Variants in ADGRL2 observed in about 807,000 individuals in gnomAD.
ADGRL2 encodes adhesion G protein-coupled receptor L2, also known as calcium-independent alpha-latrotoxin receptor 2.
Under a neutral mutation model 157.4 loss-of-function variants are expected in ADGRL2, and 44 were observed. That is an observed-to-expected ratio of 0.28 (90% CI 0.22 to 0.36). ADGRL2 has a LOEUF of 0.36. Among genes scored for constraint, ADGRL2 ranks in the 10% least tolerant of loss-of-function variants. The pLI is 1.00. For synonymous variants in ADGRL2, 585 were observed against 624.7 expected (o/e 0.94, Z 0.95); for missense variants, 1,510 against 1,768.9 (o/e 0.85, Z 2.63).
At chr1:81,376,284 C>T (rs1234534987) in intron 1 of ADGRL2, among the ~76,000 whole-genome samples, 1 of 151,038 alleles carries the variant, frequency 6.6e-6, no homozygotes, top group African/African-American at 2.4e-5. Flanking sequence ...TTTTACTTTT[C>T]ACACTTTTCC....
chr1:81,990,773 G>A lies in ADGRL2; in HGVS notation c.4038G>A (p.Leu1346=), dbSNP rs141149773. 5.6e-5 allele frequency: 91 copies of A among 1,614,040 alleles called. No individual in the cohort carries two copies. In the African/African-American group the frequency reaches 1.1e-3, roughly 19 times the overall value. The change falls in exon 24 of 24, where the codon CTG becomes CTA. Residue 1346 remains leucine (L), a synonymous_variant. Transcript: ENST00000686636. ...PLIPQRTHSL[L]YQPQKKVKSE... ...TTCCTCAGCGGACTCACTCCCTTCT[G>A]TACCAACCCCAGAAGAAAGTGAAGT...
At chr1:81,659,275 T>C (rs1302710470) in intron 3 of ADGRL2, among the ~76,000 whole-genome samples, 1 of 152,068 alleles carries the variant, frequency 6.6e-6, no homozygotes, top group Non-Finnish European at 1.5e-5. Context: ...TTGGCCAAGC[T>C]GGTCTTGAAA....
At chr1:81,726,483 T>G (rs1030853174) in intron 1 of ADGRL2, among the ~76,000 whole-genome samples, 18 of 152,216 alleles carry the variant, frequency 1.2e-4, no homozygotes, top group Admixed American at 2.0e-4. Context: ...TTAGACTTTC[T>G]TTTAAGTATG....
At chr1:81,807,769 A>T (rs1246921770) in intron 1 of ADGRL2, among the ~76,000 whole-genome samples, 1 of 151,528 alleles carries the variant, frequency 6.6e-6, no homozygotes, top group African/African-American at 2.4e-5. Context: ...TAATGTTTTG[A>T]TTGTTTTGAT....
At chr1:81,888,524 T>C (rs985578573) in intron 2 of ADGRL2, among the ~76,000 whole-genome samples, 5 of 152,162 alleles carry the variant, frequency 3.3e-5, no homozygotes, top group Non-Finnish European at 4.4e-5. Context: ...CTGCAAGCTC[T>C]GCCTCCTGGG....
At chr1:81,325,405 T>C (rs1427178614) in intron 1 of ADGRL2, among the ~76,000 whole-genome samples, 2 of 152,212 alleles carry the variant, frequency 1.3e-5, no homozygotes, top group Non-Finnish European at 2.9e-5. Flanking sequence ...ATTTCAGCTA[T>C]AAAGTTTTAA....
chr1:81,416,129 C>T (rs1222167767), intron 1 of ADGRL2, among the ~76,000 whole-genome samples: 2 of 151,986 alleles, frequency 1.3e-5, no homozygotes, highest in African/African-American at 2.4e-5. Flanking sequence ...GGATTACAGG[C>T]GTGAGCCACT....
intron 2 of ADGRL2, among the ~76,000 whole-genome samples, chr1:81,555,640 A>G (rs1397436836): frequency 6.6e-6 from 1 of 152,102 alleles, no homozygotes; most frequent in East Asian, 1.9e-4. Context: ...ACAAGAAAGC[A>G]AAATATCCCC....
At chr1:81,326,997 G>A (rs922852752) in intron 1 of ADGRL2, among the ~76,000 whole-genome samples, 1 of 152,144 alleles carries the variant, frequency 6.6e-6, no homozygotes, top group East Asian at 1.9e-4. Context: ...CCCTGCAGCG[G>A]ACTGGCAGGC....
chr1:81,426,458 T>C (rs1033084230), intron 1 of ADGRL2: 1 of 387,688 alleles, frequency 2.6e-6, no homozygotes, highest in South Asian at 1.9e-5. Context: ...GGTCTCAAAA[T>C]GGAGGTAAAA....
intron 3 of ADGRL2, among the ~76,000 whole-genome samples, chr1:81,683,733 G>C (rs955564594): frequency 3.3e-5 from 5 of 152,006 alleles, no homozygotes; most frequent in South Asian, 2.1e-4. Flanking sequence ...TGACCGATGG[G>C]CATTGGGGTT....
chr1:81,574,718 A>G (rs1302717135), intron 2 of ADGRL2, among the ~76,000 whole-genome samples: 1 of 152,176 alleles, frequency 6.6e-6, no homozygotes, highest in Non-Finnish European at 1.5e-5. Context: ...TCACTGCTTT[A>G]GTGGGACCTT....
At chr1:81,567,858 A>C (rs1013098748) in intron 2 of ADGRL2, among the ~76,000 whole-genome samples, 1 of 152,144 alleles carries the variant, frequency 6.6e-6, no homozygotes, top group Non-Finnish European at 1.5e-5. Flanking sequence ...TTTTCCCTCT[A>C]TGATTCCAAT....
At chr1:81,596,936 G>A (rs777404732) in intron 3 of ADGRL2, among the ~76,000 whole-genome samples, 4 of 152,058 alleles carry the variant, frequency 2.6e-5, no homozygotes, top group Non-Finnish European at 5.9e-5. Flanking sequence ...TCTGTCTTTG[G>A]TTAGTAAGAC....
intron 23 of ADGRL2, chr1:81,988,286 A>G (rs1441480422): frequency 6.6e-6 from 1 of 152,324 alleles, no homozygotes; most frequent in Non-Finnish European, 1.5e-5. Flanking sequence ...CCAGTCAAAG[A>G]TGGCTTAAAT....
At position 81,452,211 on chromosome 1, in the gene ADGRL2, G is replaced by A. The variant is rs192992782; in HGVS notation, c.-248+7122G>A. 1.9e-3 allele frequency among the ~76,000 whole-genome samples: 293 copies of A among 152,208 alleles called. 1 individual carries two copies. Among genetic ancestry groups the A allele is most frequent in the African/African-American group, 6.8e-3 (282 of 41,534 alleles). ...TTTTATCATTTAGCTCATTGGGAAAGACTTTACTCTTAAATAATTACTATG... is the reference window on the plus strand; with the variant it reads ...TTTTATCATTTAGCTCATTGGGAAAAACTTTACTCTTAAATAATTACTATG... On this transcript the variant is annotated intron_variant, in intron 2 of 24. Transcript: ENST00000370721.
chr1:81,600,581 A>G (rs925719071), intron 3 of ADGRL2, among the ~76,000 whole-genome samples: 26 of 152,242 alleles, frequency 1.7e-4, no homozygotes, highest in African/African-American at 6.3e-4. Context: ...AGAATTTTAT[A>G]TCTGGAAGAT....
At chr1:81,523,281 T>A (rs6696306) in intron 2 of ADGRL2, among the ~76,000 whole-genome samples, 1 of 152,016 alleles carries the variant, frequency 6.6e-6, no homozygotes, top group South Asian at 2.1e-4. Context: ...ATACCAAATT[T>A]TTTATATGAA....
intron 2 of ADGRL2, among the ~76,000 whole-genome samples, chr1:81,886,435 G>A (rs987648460): frequency 6.6e-6 from 1 of 152,176 alleles, no homozygotes; most frequent in South Asian, 2.1e-4. Context: ...TTCCCAAAGT[G>A]CTGGGATTAC....
Sources: gnomAD v4.1 joint callset for allele counts (sites outside exome capture counted in the v4.1 genomes callset) on GRCh38, gnomAD v4.1.1 for gene constraint, MANE v1.5 for transcripts, NCBI Gene and HGNC (gene_info 2026-07-23, HGNC 2026-07-21) for gene names.